Variants in RABEP1 observed in about 807,000 individuals in gnomAD.
RABEP1 encodes the protein rabaptin, RAB GTPase binding effector protein 1, also known as rab GTPase-binding effector protein 1.
RABEP1 carries 51 observed loss-of-function variants against 123.4 expected under a neutral mutation model. The observed-to-expected ratio is 0.41, with a 90% confidence interval of 0.33 to 0.52. RABEP1 has a LOEUF of 0.52. RABEP1 is among the 20% of genes least tolerant of loss of function. The probability of loss-of-function intolerance (pLI) is 0.16; values close to 1 mark genes in which losing one functional copy is unlikely to be tolerated. For missense variants in RABEP1, 888 were observed against 996.3 expected, an observed-to-expected ratio of 0.89 and a Z score of 1.46; for synonymous variants, 347 against 355.2, an observed-to-expected ratio of 0.98 and a Z score of 0.26.
chr17:5,320,443 A>AAG (rs1567519675), intron 2 of RABEP1, among the ~76,000 whole-genome samples: 2 of 140,934 alleles, frequency 1.4e-5, no homozygotes, highest in African/African-American at 5.7e-5. Context: ...AAAAAAAAAA[A>AAG]AGAAAAAGAA....
intron 1 of RABEP1, among the ~76,000 whole-genome samples, chr17:5,289,414 C>G (rs73976330): frequency 7.0e-6 from 1 of 142,144 alleles, no homozygotes; most frequent in Admixed American, 7.0e-5. Context: ...TTATGTAGAT[C>G]TGACCTTTTT....
chr17:5,342,518 G>C (rs1907703317), intron 5 of RABEP1, among the ~76,000 whole-genome samples: 2 of 152,244 alleles, frequency 1.3e-5, no homozygotes, highest in Non-Finnish European at 2.9e-5. Context: ...GAAGCCTGTA[G>C]TGCCAATCTC....
At chr17:5,284,754 G>C (rs113996027) in intron 1 of RABEP1, among the ~76,000 whole-genome samples, 4 of 151,884 alleles carry the variant, frequency 2.6e-5, no homozygotes, top group Non-Finnish European at 5.9e-5. Flanking sequence ...GTGTGAGCCC[G>C]TGAGTCCGGC....
chr17:5,302,168 A>G (rs964432659), intron 1 of RABEP1, among the ~76,000 whole-genome samples: 13 of 151,948 alleles, frequency 8.6e-5, no homozygotes, highest in African/African-American at 2.9e-4. Flanking sequence ...TTCAGATACT[A>G]GAAAATCTGC....
chr17:5,360,739 T>G (rs1020259382), intron 8 of RABEP1, among the ~76,000 whole-genome samples: 2 of 152,190 alleles, frequency 1.3e-5, no homozygotes, highest in Admixed American at 1.3e-4. Flanking sequence ...ATACGATAGT[T>G]ACTCTCAAGT....
At chr17:5,369,964 G>C (rs1910397624) in intron 12 of RABEP1, among the ~76,000 whole-genome samples, 1 of 152,130 alleles carries the variant, frequency 6.6e-6, no homozygotes, top group Admixed American at 6.5e-5. Flanking sequence ...CTCCCAAAGT[G>C]CTGGGATTAC....
intron 2 of RABEP1, among the ~76,000 whole-genome samples, chr17:5,317,626 GATATATAT>G (rs56165368): frequency 0.13 from 18,839 of 149,138 alleles, 1,956 homozygotes; most frequent in East Asian, 0.49. Flanking sequence ...TACTGGAAAG[GATATATAT>G]ATATATATAT....
chr17:5,368,214 CAT>C (rs1406617345), intron 11 of RABEP1, among the ~76,000 whole-genome samples, 154 bp from the exon 12 acceptor site: 1 of 152,210 alleles, frequency 6.6e-6, no homozygotes, highest in African/African-American at 2.4e-5. Context: ...AGGCTTTGCA[CAT>C]AGCAGATGTG....
chr17:5,369,888 C>T (rs892948330), intron 12 of RABEP1, among the ~76,000 whole-genome samples: 4 of 151,930 alleles, frequency 2.6e-5, no homozygotes, highest in African/African-American at 7.3e-5. Flanking sequence ...TTAGTAGAGA[C>T]GGGGTTTCTC....
chr17:5,288,140 A>G (rs538873984), intron 1 of RABEP1, among the ~76,000 whole-genome samples: 2 of 152,236 alleles, frequency 1.3e-5, no homozygotes, highest in South Asian at 2.1e-4. Flanking sequence ...ATGAATGCCT[A>G]TAACTGACTT....
At position 5,282,779 on chromosome 17, in the gene RABEP1, G is replaced by C. The variant is rs111454093; in HGVS notation, c.34+259G>C. 7.3e-5 allele frequency among the ~76,000 whole-genome samples: 11 copies of C among 151,462 alleles called. 1 individual carries two copies. Among genetic ancestry groups the C allele is most frequent in the African/African-American group, 1.7e-4 (7 of 41,452 alleles). On this transcript the variant is annotated intron_variant, in intron 1 of 17. Transcript: ENST00000537505. ...AGGGAAGGGCGTGGGGAGGCTGCTG[G>C]GTAGCGTGGGGTAGTGTGGGGAGGG... is the stretch of plus-strand genomic sequence containing the variant.
intron 1 of RABEP1, among the ~76,000 whole-genome samples, chr17:5,302,572 A>C (rs183235178): frequency 4.0e-4 from 59 of 149,208 alleles, no homozygotes; most frequent in Non-Finnish European, 7.4e-4. Flanking sequence ...TTACCTTATA[A>C]GCTTTTTAAT....
intron 2 of RABEP1, among the ~76,000 whole-genome samples, chr17:5,323,423 C>T (rs1250700349): frequency 6.6e-6 from 1 of 152,092 alleles, no homozygotes; most frequent in East Asian, 1.9e-4. Flanking sequence ...GTCTTGTTCA[C>T]AGATGACACA....
Position 5,366,817 on chromosome 17 carries a change from C to T in RABEP1, c.1786-1553C>T, listed in dbSNP as rs536119106. Among the ~76,000 whole-genome samples the T allele has an allele frequency of 2.6e-4, 40 of 151,502 alleles. No individual in the cohort carries two copies. In the South Asian group the frequency reaches 2.7e-3, roughly 10 times the overall value. On this transcript the variant is annotated intron_variant, in intron 11 of 17. Coordinates refer to ENST00000537505, the MANE Select transcript of RABEP1 (RefSeq NM_004703.6). ...TAATGTAGTCAAATTTGGCCGGGCA[C>T]GGTGGCTCACACCTGTAATCCCAGC...
At chr17:5,293,190 G>A (rs1335224785) in intron 1 of RABEP1, among the ~76,000 whole-genome samples, 2 of 152,002 alleles carry the variant, frequency 1.3e-5, no homozygotes, top group African/African-American at 2.4e-5. Flanking sequence ...GGGAGGGTGA[G>A]GCACGAGAAT....
At chr17:5,350,215 C>T (rs866683760) in intron 6 of RABEP1, among the ~76,000 whole-genome samples, 4 of 152,158 alleles carry the variant, frequency 2.6e-5, no homozygotes, top group African/African-American at 9.6e-5. Flanking sequence ...CCCGTCTCTA[C>T]TAAAAATACA....
intron 1 of RABEP1, among the ~76,000 whole-genome samples, chr17:5,289,711 G>A (rs1412529014): frequency 1.3e-5 from 2 of 152,046 alleles, no homozygotes; most frequent in Admixed American, 1.3e-4. Flanking sequence ...CTGAGGCAGA[G>A]CACCCTTTAT....
At chr17:5,286,965 G>C (rs921621007) in intron 1 of RABEP1, among the ~76,000 whole-genome samples, 1 of 152,218 alleles carries the variant, frequency 6.6e-6, no homozygotes, top group Admixed American at 6.5e-5. Context: ...AGTTAGCCTT[G>C]AGGATATCTG....
rs1257795642 is a variant in RABEP1, at chr17:5,385,419, T to G, written c.*2196T>G. ...ATTTACCTCTTACCTGTAACCTACC[T>G]TATCATGTGGCTTTTAATTGACAGT... On this transcript the variant is annotated 3_prime_UTR_variant, in exon 18 of 18. Transcript: ENST00000537505. The G allele has an allele frequency of 1.8e-5, 4 of 227,078 alleles. No homozygotes were observed. Among genetic ancestry groups the G allele is most frequent in the African/African-American group, 9.1e-5 (4 of 44,120 alleles). 14.1% of individuals were successfully genotyped at this position (227,078 alleles called of 1,614,324 possible).
Sources: gnomAD v4.1 joint callset for allele counts (sites outside exome capture counted in the v4.1 genomes callset) on GRCh38, gnomAD v4.1.1 for gene constraint, MANE v1.5 for transcripts, NCBI Gene and HGNC (gene_info 2026-07-23, HGNC 2026-07-21) for gene names.